Variants in CNTNAP2 observed in about 807,000 individuals in gnomAD.
CNTNAP2 encodes contactin-associated protein-like 2.
In CNTNAP2, 98 loss-of-function variants were observed where a neutral mutation model predicts 155.2. The ratio of observed to expected loss-of-function variants is 0.63; its 90% CI spans 0.54 to 0.75. The LOEUF (loss-of-function observed/expected upper bound fraction) is 0.75, where lower values mean the gene tolerates loss of function less well. CNTNAP2 is among the 30% of genes least tolerant of loss of function. CNTNAP2 has a pLI of 0.00. For missense variants in CNTNAP2, 1,727 were observed against 1,688.1 expected, an observed-to-expected ratio of 1.02 and a Z score of -0.40; for synonymous variants, 651 against 631.2, an observed-to-expected ratio of 1.03 and a Z score of -0.47.
At chr7:147,465,006 G>A (rs970396307) in intron 10 of CNTNAP2, among the ~76,000 whole-genome samples, 2 of 152,138 alleles carry the variant, frequency 1.3e-5, no homozygotes, top group African/African-American at 2.4e-5. Flanking sequence ...GTCCTTTGCA[G>A]CAACATGGAT....
intron 1 of CNTNAP2, among the ~76,000 whole-genome samples, chr7:146,123,533 T>C (rs1797593264): frequency 6.6e-6 from 1 of 152,180 alleles, no homozygotes; most frequent in Non-Finnish European, 1.5e-5. Flanking sequence ...TCAAGTTACA[T>C]AAAGTTTAGT....
intron 1 of CNTNAP2, among the ~76,000 whole-genome samples, chr7:146,573,712 C>T (rs1050169944): frequency 3.9e-5 from 6 of 152,174 alleles, no homozygotes; most frequent in Non-Finnish European, 7.3e-5. Context: ...TGCAACAGCA[C>T]AGTGTGAGGA....
intron 1 of CNTNAP2, among the ~76,000 whole-genome samples, chr7:146,645,850 AC>A (rs754509797): frequency 2.0e-5 from 3 of 152,010 alleles, no homozygotes; most frequent in Non-Finnish European, 4.4e-5. Context: ...CTCAAGCTGC[AC>A]TGACTTCCAG....
chr7:147,280,763 A>G (rs1341003122), intron 8 of CNTNAP2, among the ~76,000 whole-genome samples: 1 of 151,940 alleles, frequency 6.6e-6, no homozygotes, highest in East Asian at 1.9e-4. Context: ...TTCTACCATA[A>G]TTTGCTTTAA....
At chr7:146,915,551 GT>G (rs1007756957) in intron 3 of CNTNAP2, among the ~76,000 whole-genome samples, 16 of 151,830 alleles carry the variant, frequency 1.1e-4, no homozygotes, top group Non-Finnish European at 2.1e-4. Flanking sequence ...TATATTCTAA[GT>G]TTTTTTGTTC....
At chr7:146,124,051 G>A (rs1369039560) in intron 1 of CNTNAP2, among the ~76,000 whole-genome samples, 1 of 152,066 alleles carries the variant, frequency 6.6e-6, no homozygotes, top group Non-Finnish European at 1.5e-5. Flanking sequence ...TGAATAATGA[G>A]AACACCTCAG....
intron 13 of CNTNAP2, among the ~76,000 whole-genome samples, chr7:147,714,868 A>T (rs1796458980): frequency 3.9e-5 from 6 of 152,110 alleles, no homozygotes; most frequent in Admixed American, 3.9e-4. Context: ...ACCCCTGGAA[A>T]CCATTAATTG....
intron 14 of CNTNAP2, among the ~76,000 whole-genome samples, chr7:147,920,728 G>A (rs181576800): frequency 9.2e-4 from 139 of 151,896 alleles, no homozygotes; most frequent in African/African-American, 3.2e-3. Flanking sequence ...TATGCCTCCT[G>A]CTGAAAGACA....
At chr7:147,157,393 AAGAT>A (rs1274211906) in intron 8 of CNTNAP2, among the ~76,000 whole-genome samples, 1 of 152,160 alleles carries the variant, frequency 6.6e-6, no homozygotes, top group Non-Finnish European at 1.5e-5. Context: ...AGAGGCAAAT[AAGAT>A]AGCCTGAATG....
intron 2 of CNTNAP2, among the ~76,000 whole-genome samples, chr7:146,797,766 G>A (rs1257160986): frequency 6.6e-6 from 1 of 152,134 alleles, no homozygotes; most frequent in East Asian, 1.9e-4. Flanking sequence ...ATACGTCCTG[G>A]CAGCTGCAGC....
intron 15 of CNTNAP2, among the ~76,000 whole-genome samples, chr7:148,082,899 G>A (rs570334330): frequency 9.6e-4 from 146 of 151,976 alleles, no homozygotes; most frequent in Non-Finnish European, 1.9e-3. Context: ...GGCTGGTGTC[G>A]ATCTCTTGAC....
rs76472822 is a variant in CNTNAP2 at position 146,686,100 on chromosome 7, C to A, written c.98-88171C>A. Among the ~76,000 whole-genome samples the A allele has an allele frequency of 8.9e-3, 1,349 of 152,094 alleles. 136 individuals are homozygous for A. The East Asian group carries it at 0.22, about 25-fold the overall frequency. On this transcript the variant is annotated intron_variant, in intron 1 of 23. Coordinates refer to ENST00000361727, the MANE Select transcript of CNTNAP2 (RefSeq NM_014141.6). ...TCTGTTGAGTTCAGGAGTTTAAGAT[C>A]ATCCTGGGCAACATACTGAGACACT...
chr7:148,010,667 T>C (rs1331994233), intron 15 of CNTNAP2, among the ~76,000 whole-genome samples: 1 of 151,958 alleles, frequency 6.6e-6, no homozygotes, highest in African/African-American at 2.4e-5. Flanking sequence ...CAAGGTTTTT[T>C]TTTTTTTATT....
intron 3 of CNTNAP2, among the ~76,000 whole-genome samples, chr7:146,996,869 T>TC (rs1798318748): frequency 6.6e-6 from 1 of 152,064 alleles, no homozygotes. Flanking sequence ...GATAACGGAA[T>TC]CATAGGGGTG....
intron 1 of CNTNAP2, among the ~76,000 whole-genome samples, chr7:146,711,624 C>A (rs948782307): frequency 4.7e-5 from 7 of 149,006 alleles, no homozygotes; most frequent in African/African-American, 1.2e-4. Context: ...AAGGTGGAAC[C>A]ATTTCAGACT....
chr7:146,936,948 A>G (rs1796928518), intron 3 of CNTNAP2, among the ~76,000 whole-genome samples: 1 of 152,190 alleles, frequency 6.6e-6, no homozygotes, highest in South Asian at 2.1e-4. Context: ...ACTCCTTTAA[A>G]TTTAAAATAA....
At chr7:148,217,787 G>A (rs1946075303) in intron 19 of CNTNAP2, among the ~76,000 whole-genome samples, 1 of 152,234 alleles carries the variant, frequency 6.6e-6, no homozygotes, top group Non-Finnish European at 1.5e-5. Context: ...GCATGAATAA[G>A]AGATATGTTT....
chr7:146,532,456 CT>C (rs967000395), intron 1 of CNTNAP2, among the ~76,000 whole-genome samples: 14 of 151,910 alleles, frequency 9.2e-5, no homozygotes, highest in Non-Finnish European at 1.9e-4. Context: ...TTTTTCTTTC[CT>C]TCCCACTTTC....
At chr7:147,903,869 G>A in intron 14 of CNTNAP2, 148 bp downstream of exon 14, 2 of 1,032,936 alleles carry the variant, frequency 1.9e-6, no homozygotes, top group Non-Finnish European at 2.9e-6. Context: ...ACAAATGTCA[G>A]GAACATACTG....
Sources: gnomAD v4.1 joint callset for allele counts (sites outside exome capture counted in the v4.1 genomes callset) on GRCh38, gnomAD v4.1.1 for gene constraint, MANE v1.5 for transcripts, NCBI Gene and HGNC (gene_info 2026-07-23, HGNC 2026-07-21) for gene names.